The following SCYL2 variants were observed in gnomAD, a reference collection of about 807,000 sequenced individuals.
The protein encoded by SCYL2 is SCY1-like protein 2.
SCYL2 carries 36 observed loss-of-function variants against 100.4 expected under a neutral mutation model. The ratio of observed to expected loss-of-function variants is 0.36; its 90% CI spans 0.27 to 0.47. The LOEUF is 0.47. Ranked by LOEUF, SCYL2 falls within the 20% of genes least tolerant of loss-of-function variation. The pLI is 1.00. For synonymous variants in SCYL2, 330 were observed against 359.2 expected, an observed-to-expected ratio of 0.92 and a Z score of 0.92; for missense variants, 902 against 1,083.9, an observed-to-expected ratio of 0.83 and a Z score of 2.36.
At position 100,285,587 on chromosome 12, in the gene SCYL2, C is replaced by T. The variant is rs2096303662; in HGVS notation, c.177+2440C>T. ...TATAGTCTTTTTAATTTTAGACATT[C>T]TGGGTGGAGGGTTTATCTAATTTTT... On this transcript the variant is annotated intron_variant, in intron 2 of 17. Coordinates refer to ENST00000360820, the MANE Select transcript of SCYL2 (RefSeq NM_017988.6). Among the ~76,000 whole-genome samples the T allele has an allele frequency of 3.9e-5, 6 of 152,150 alleles. No individual in the cohort carries two copies. The South Asian group carries it at 1.2e-3, about 32-fold the overall frequency.
At chr12:100,304,103 C>A (rs1330223290) in intron 4 of SCYL2, among the ~76,000 whole-genome samples, 2 of 152,150 alleles carry the variant, frequency 1.3e-5, no homozygotes, top group Non-Finnish European at 2.9e-5. Flanking sequence ...AGACGCCTCT[C>A]CCCTCACTGA....
intron 4 of SCYL2, among the ~76,000 whole-genome samples, chr12:100,299,268 T>C (rs2096324655): frequency 6.6e-6 from 1 of 152,094 alleles, no homozygotes; most frequent in Non-Finnish European, 1.5e-5. Context: ...AATAATATCT[T>C]CAGTGCCATA....
At chr12:100,304,456 A>G (rs1054232602) in intron 4 of SCYL2, among the ~76,000 whole-genome samples, 4 of 152,030 alleles carry the variant, frequency 2.6e-5, no homozygotes, top group Non-Finnish European at 4.4e-5. Flanking sequence ...TCTGGGCCAG[A>G]ATGCACCATC....
At chr12:100,276,580 C>T (rs1238078539) in intron 1 of SCYL2, among the ~76,000 whole-genome samples, 2 of 152,160 alleles carry the variant, frequency 1.3e-5, no homozygotes, top group Non-Finnish European at 2.9e-5. Flanking sequence ...TCAAGTGATC[C>T]TCCTGCTTTA....
chr12:100,309,106 T>G (rs2096338438), intron 4 of SCYL2, among the ~76,000 whole-genome samples: 1 of 148,064 alleles, frequency 6.8e-6, no homozygotes, highest in East Asian at 2.0e-4. Context: ...GTATTTTGAT[T>G]TGTGTGTGTG....
In SCYL2 at chr12:100,337,393, C is replaced by T. The variant is rs773105083; in HGVS notation, c.2032C>T (p.Leu678Phe). ...TGCTTTATTTTGTTTTAAGGCATCA[C>T]TTACACTTGAAGAAAAACAAAAATT... ...GLQNKHKRASLTLEEKQKLAK... is the reference protein window; with the variant it reads ...GLQNKHKRASFTLEEKQKLAK... Residue 678 changes from leucine (L) to phenylalanine (F), a missense_variant, in exon 17 of 18, where the codon CTT (leucine) becomes TTT (phenylalanine). Physicochemically the swap from Leu to Phe is conservative, Grantham distance 22. Transcript: ENST00000360820. The T allele has an allele frequency of 6.2e-7, 1 of 1,602,960 alleles. No homozygotes were observed. Among genetic ancestry groups the T allele is most frequent in the South Asian group, 1.1e-5 (1 of 88,166 alleles).
intron 2 of SCYL2, among the ~76,000 whole-genome samples, 199 bp from the exon 3 acceptor site, chr12:100,291,304 T>C (rs1031245079): frequency 6.6e-6 from 1 of 152,204 alleles, no homozygotes; most frequent in Non-Finnish European, 1.5e-5. Flanking sequence ...TCCTGTGTTC[T>C]TTAGATGAGG....
At chr12:100,284,589 A>G (rs531466174) in intron 2 of SCYL2, among the ~76,000 whole-genome samples, 4 of 152,138 alleles carry the variant, frequency 2.6e-5, no homozygotes, top group Non-Finnish European at 4.4e-5. Flanking sequence ...CAGCTTCCCA[A>G]GTAGCTGGGA....
intron 16 of SCYL2, 99 bp downstream of exon 16, chr12:100,336,005 C>G (rs898774698): frequency 2.4e-6 from 2 of 820,372 alleles, no homozygotes; most frequent in African/African-American, 1.7e-5. Flanking sequence ...AGCAGCTTAA[C>G]AAGAAACATT....
At chr12:100,310,023 G>T (rs1308479587) in intron 4 of SCYL2, among the ~76,000 whole-genome samples, 1 of 150,502 alleles carries the variant, frequency 6.6e-6, no homozygotes, top group Non-Finnish European at 1.5e-5. Flanking sequence ...TTTGGAGATG[G>T]CGTCTTGCTG....
intron 1 of SCYL2, 95 bp downstream of exon 1, chr12:100,267,887 T>C (rs954147321): frequency 1.3e-5 from 2 of 152,300 alleles, no homozygotes; most frequent in Non-Finnish European, 2.9e-5. Context: ...TGACAGTAGC[T>C]TTAGTTCTGG....
At chr12:100,280,043 CTG>C (rs2135819580) in intron 1 of SCYL2, among the ~76,000 whole-genome samples, 1 of 152,328 alleles carries the variant, frequency 6.6e-6, no homozygotes, top group South Asian at 2.1e-4. Flanking sequence ...GCTCTATGCT[CTG>C]TAGTTTGGAA....
chr12:100,307,312 C>G (rs2096335830), intron 4 of SCYL2, among the ~76,000 whole-genome samples: 1 of 152,092 alleles, frequency 6.6e-6, no homozygotes, highest in Non-Finnish European at 1.5e-5. Context: ...ACCAATAGAA[C>G]AGAACAGAGG....
At chr12:100,281,019 GTTTTTTTT>G (rs202048587) in intron 1 of SCYL2, among the ~76,000 whole-genome samples, 1 of 50,466 alleles carries the variant, frequency 2.0e-5, no homozygotes, top group African/African-American at 6.9e-5. Flanking sequence ...TACCATCAGT[GTTTTTTTT>G]TTTTTTTTTT....
At chr12:100,336,414 C>CA (rs1566374088) in intron 16 of SCYL2, among the ~76,000 whole-genome samples, 5 of 152,244 alleles carry the variant, frequency 3.3e-5, no homozygotes, top group African/African-American at 1.2e-4. Flanking sequence ...CTTTTATAGT[C>CA]CATCAGATTT....
chr12:100,287,207 ATTAC>A (rs549297334), intron 2 of SCYL2, among the ~76,000 whole-genome samples: 76 of 152,342 alleles, frequency 5.0e-4, no homozygotes, highest in African/African-American at 1.6e-3. Flanking sequence ...TTTAAATTTT[ATTAC>A]TTAAGTATCT....
At chr12:100,283,189 C>G in intron 2 of SCYL2, 42 bp downstream of exon 2, 2 of 1,501,502 alleles carry the variant, frequency 1.3e-6, no homozygotes, top group East Asian at 2.4e-5. Flanking sequence ...AACCCACATG[C>G]TAAGAACCAT....
intron 3 of SCYL2, among the ~76,000 whole-genome samples, chr12:100,294,151 CG>C (rs1346465304): frequency 1.5e-5 from 2 of 136,800 alleles, no homozygotes; most frequent in Non-Finnish European, 3.3e-5. Context: ...GCTGGCCGGG[CG>C]GGGGGCTGAC....
At chr12:100,294,233 G>T (rs2096314460) in intron 3 of SCYL2, among the ~76,000 whole-genome samples, 1 of 141,368 alleles carries the variant, frequency 7.1e-6, no homozygotes, top group Non-Finnish European at 1.6e-5. Context: ...CCTCCCGGAT[G>T]GGGTGGCTGG....
Sources: allele counts gnomAD v4.1 joint callset (sites outside exome capture counted in the v4.1 genomes callset), GRCh38; gene constraint gnomAD v4.1.1; transcripts MANE v1.5; gene names NCBI Gene and HGNC (gene_info 2026-07-23, HGNC 2026-07-21).